DIAPH3: variants seen among roughly 807,000 people sequenced by gnomAD.
DIAPH3 encodes diaphanous related formin 3, also known as protein diaphanous homolog 3.
In DIAPH3, 117 loss-of-function variants were observed where a neutral mutation model predicts 144.3. The ratio of observed to expected loss-of-function variants is 0.81; its 90% CI spans 0.70 to 0.95. DIAPH3 has a LOEUF of 0.95. Among genes scored for constraint, DIAPH3 ranks in the 40% least tolerant of loss-of-function variants. The probability of loss-of-function intolerance (pLI) is 0.00; values close to 1 mark genes in which losing one functional copy is unlikely to be tolerated. For missense variants in DIAPH3, 1,421 were observed against 1,412.7 expected (o/e 1.01, Z -0.09); for synonymous variants, 519 against 488.9 (o/e 1.06, Z -0.81).
chr13:60,160,699 TCCTCCATCTCTCTTCTATG>T (rs1261801077), intron 1 of DIAPH3, among the ~76,000 whole-genome samples: 1 of 152,158 alleles, frequency 6.6e-6, no homozygotes, highest in Non-Finnish European at 1.5e-5. Flanking sequence ...CCTCTCAGCC[TCCTCCATCTCTCTTCTATG>T]CCCCAGTAGC....
intron 24 of DIAPH3, among the ~76,000 whole-genome samples, chr13:59,830,666 C>G (rs1337077321): frequency 6.6e-6 from 1 of 151,732 alleles, no homozygotes; most frequent in East Asian, 1.9e-4. Context: ...ACCCTCTAAT[C>G]CTTTTAGATC....
chr13:60,073,422 T>C (rs1257206786), intron 4 of DIAPH3, among the ~76,000 whole-genome samples: 2 of 152,084 alleles, frequency 1.3e-5, no homozygotes, highest in Non-Finnish European at 2.9e-5. Flanking sequence ...CTTTGCAAAA[T>C]GGAAAGTAAC....
chr13:59,994,574 A>G (rs891850880), intron 9 of DIAPH3, among the ~76,000 whole-genome samples: 1 of 151,916 alleles, frequency 6.6e-6, no homozygotes, highest in Admixed American at 6.6e-5. Flanking sequence ...TGTAAGAAAT[A>G]TGTTTGGTAA....
At chr13:60,008,461 T>C (rs1479295148) in intron 9 of DIAPH3, 83 bp downstream of exon 9, 6 of 833,914 alleles carry the variant, frequency 7.2e-6, no homozygotes, top group Non-Finnish European at 1.2e-5. Flanking sequence ...TTCATAACAA[T>C]GTTTTCATAT....
chr13:59,855,736 A>G (rs1336915660), intron 22 of DIAPH3, among the ~76,000 whole-genome samples: 1 of 147,070 alleles, frequency 6.8e-6, no homozygotes, highest in East Asian at 2.0e-4. Context: ...CAGGAAAATG[A>G]AAAAAAAAAA....
At chr13:60,102,566 A>G (rs2058301917) in intron 3 of DIAPH3, among the ~76,000 whole-genome samples, 1 of 152,198 alleles carries the variant, frequency 6.6e-6, no homozygotes, top group Non-Finnish European at 1.5e-5. Flanking sequence ...GCCCCAGACT[A>G]GAACACTGAG....
intron 25 of DIAPH3, among the ~76,000 whole-genome samples, chr13:59,775,387 C>T (rs989610427): frequency 5.3e-5 from 8 of 152,014 alleles, no homozygotes; most frequent in African/African-American, 9.7e-5. Flanking sequence ...GGACTACAGG[C>T]GCCTGCCACC....
At chr13:59,760,181 A>T (rs1341807990) in intron 27 of DIAPH3, among the ~76,000 whole-genome samples, 1 of 152,186 alleles carries the variant, frequency 6.6e-6, no homozygotes, top group African/African-American at 2.4e-5. Flanking sequence ...CATCACTCTC[A>T]TTTGAGAAGC....
At chr13:59,917,889 CAAAAAAAAAAAAAAAAAA>C (rs60792156) in intron 18 of DIAPH3, among the ~76,000 whole-genome samples, 1 of 18,642 alleles carries the variant, frequency 5.4e-5, no homozygotes, top group African/African-American at 1.6e-4. Flanking sequence ...GACTCTGTCT[CAAAAAAAAAAAAAAAAAA>C]AAAAAAAAAA....
chr13:59,788,613 C>T (rs1338909773), intron 25 of DIAPH3, among the ~76,000 whole-genome samples: 1 of 152,120 alleles, frequency 6.6e-6, no homozygotes, highest in Non-Finnish European at 1.5e-5. Context: ...TAGAAACAAA[C>T]TAAATGTCCA....
intron 2 of DIAPH3, among the ~76,000 whole-genome samples, chr13:60,118,622 C>T (rs1380264656): frequency 6.6e-6 from 1 of 152,164 alleles, no homozygotes; most frequent in Non-Finnish European, 1.5e-5. Context: ...AACCTAACAG[C>T]TAACATAGCT....
chr13:59,878,212 G>C (rs1442740066), intron 21 of DIAPH3, among the ~76,000 whole-genome samples: 1 of 152,128 alleles, frequency 6.6e-6, no homozygotes, highest in East Asian at 1.9e-4. Flanking sequence ...TTTAGGAATT[G>C]CATCGCCCAT....
chr13:59,756,941 T>C (rs1246874633), intron 27 of DIAPH3, among the ~76,000 whole-genome samples: 1 of 152,026 alleles, frequency 6.6e-6, no homozygotes, highest in Admixed American at 6.6e-5. Context: ...AAAGAGGAAA[T>C]AATAATATTG....
chr13:59,736,501 C>T (rs1172463392), intron 27 of DIAPH3, among the ~76,000 whole-genome samples: 1 of 152,056 alleles, frequency 6.6e-6, no homozygotes, highest in African/African-American at 2.4e-5. Context: ...TGAGGTAGTA[C>T]CTCACTGTCG....
At chr13:59,818,418 T>C (rs1328447289) in intron 24 of DIAPH3, among the ~76,000 whole-genome samples, 1 of 151,982 alleles carries the variant, frequency 6.6e-6, no homozygotes, top group Non-Finnish European at 1.5e-5. Context: ...CCTTCCATTT[T>C]TGCAATAAGT....
chr13:60,013,825 T>C (rs2053446529), intron 7 of DIAPH3, among the ~76,000 whole-genome samples: 1 of 152,140 alleles, frequency 6.6e-6, no homozygotes, highest in African/African-American at 2.4e-5. Context: ...TTAACCAATC[T>C]TGAAGGGAAA....
intron 1 of DIAPH3, among the ~76,000 whole-genome samples, chr13:60,140,007 G>A (rs1027409175): frequency 6.6e-5 from 10 of 152,134 alleles, no homozygotes; most frequent in Non-Finnish European, 1.5e-4. Flanking sequence ...ATTGTCTGGA[G>A]AAGGCTGAAA....
intron 4 of DIAPH3, among the ~76,000 whole-genome samples, chr13:60,091,078 A>C (rs932873131): frequency 5.9e-5 from 9 of 152,210 alleles, no homozygotes; most frequent in Non-Finnish European, 8.8e-5. Flanking sequence ...AAGGTTTTCT[A>C]AACCAGTTCT....
chr13:59,879,014 G>C (rs2044819579), intron 21 of DIAPH3, among the ~76,000 whole-genome samples: 1 of 152,102 alleles, frequency 6.6e-6, no homozygotes, highest in South Asian at 2.1e-4. Context: ...TAAAATCCTT[G>C]AATTGGATTT....
Sources: allele counts gnomAD v4.1 joint callset (sites outside exome capture counted in the v4.1 genomes callset), GRCh38; gene constraint gnomAD v4.1.1; transcripts MANE v1.5; gene names NCBI Gene and HGNC (gene_info 2026-07-23, HGNC 2026-07-21).